COPZ1: variants seen among roughly 807,000 people sequenced by gnomAD.
The protein encoded by COPZ1 is coatomer subunit zeta-1.
Under a neutral mutation model 31.7 loss-of-function variants are expected in COPZ1, and 4 were observed. That is an observed-to-expected ratio of 0.13 (90% CI 0.06 to 0.29). COPZ1 has a LOEUF of 0.29. Among genes scored for constraint, COPZ1 ranks in the 10% least tolerant of loss-of-function variants. The pLI is 1.00. For missense variants in COPZ1, 156 were observed against 211.5 expected, an observed-to-expected ratio of 0.74 and a Z score of 1.63; for synonymous variants, 74 against 79.0, an observed-to-expected ratio of 0.94 and a Z score of 0.33.
At chr12:54,335,659 T>G (rs1370640208) in intron 1 of COPZ1, among the ~76,000 whole-genome samples, 1 of 151,852 alleles carries the variant, frequency 6.6e-6, no homozygotes, top group Non-Finnish European at 1.5e-5. Flanking sequence ...TGAAGAACTT[T>G]TTAGTGATCT....
chr12:54,350,285 T>A, intron 8 of COPZ1, 191 bp from the exon 9 acceptor site: 1 of 746,286 alleles, frequency 1.3e-6, no homozygotes, highest in East Asian at 2.5e-5. Flanking sequence ...TGGGTTTGAA[T>A]TTTTTTGGAA....
chr12:54,349,589 C>T (rs1478950911), intron 7 of COPZ1, 31 bp from the exon 8 acceptor site: 5 of 1,596,242 alleles, frequency 3.1e-6, no homozygotes, highest in South Asian at 1.1e-5. Context: ...AGCTTTCTCC[C>T]ACACTAAATG....
intron 3 of COPZ1, chr12:54,342,710 C>T: frequency 5.3e-6 from 1 of 190,292 alleles, no homozygotes; most frequent in South Asian, 1.0e-4. Context: ...ACAGAAGATA[C>T]ATTTAGACTC....
chr12:54,342,696 G>C (rs2137105512), intron 3 of COPZ1: 1 of 196,590 alleles, frequency 5.1e-6, no homozygotes, highest in Middle Eastern at 2.1e-3. Context: ...AGAGGATGGT[G>C]GTTACAGAAG....
intron 5 of COPZ1, among the ~76,000 whole-genome samples, chr12:54,346,948 C>T (rs549568466): frequency 1.2e-4 from 19 of 152,232 alleles, no homozygotes; most frequent in South Asian, 1.0e-3. Flanking sequence ...CTCTGTTACC[C>T]GTGTAGATGG....
At chr12:54,326,800 TA>T (rs1335353177) in intron 1 of COPZ1, among the ~76,000 whole-genome samples, 2 of 151,528 alleles carry the variant, frequency 1.3e-5, no homozygotes, top group African/African-American at 4.9e-5. Flanking sequence ...CTCCTAAGCA[TA>T]CACATTCAGA....
At chr12:54,347,955 G>C (rs774448659) in intron 6 of COPZ1, 45 bp from the exon 7 acceptor site, 1 of 1,609,674 alleles carries the variant, frequency 6.2e-7, no homozygotes, top group South Asian at 1.1e-5. Context: ...AGTGAGTTGG[G>C]CCTTCGGGAC....
At chr12:54,348,453 A>G (rs1326158890) in intron 7 of COPZ1, among the ~76,000 whole-genome samples, 1 of 152,170 alleles carries the variant, frequency 6.6e-6, no homozygotes, top group Non-Finnish European at 1.5e-5. Flanking sequence ...AAAGTGTTAC[A>G]TAGGACTGAG....
At chr12:54,345,628 G>C (rs1419843103) in intron 5 of COPZ1, 113 bp downstream of exon 5, 1 of 829,834 alleles carries the variant, frequency 1.2e-6, no homozygotes, top group African/African-American at 1.7e-5. Context: ...GATTGTAGGG[G>C]ATTGGCAAAG....
chr12:54,328,819 T>G (rs545074356), intron 1 of COPZ1, among the ~76,000 whole-genome samples: 5 of 152,306 alleles, frequency 3.3e-5, no homozygotes, highest in African/African-American at 1.2e-4. Context: ...TCAAAGCATA[T>G]TCTTCTGTCC....
At chr12:54,335,874 C>T (rs1953854572) in intron 1 of COPZ1, among the ~76,000 whole-genome samples, 1 of 151,806 alleles carries the variant, frequency 6.6e-6, no homozygotes, top group African/African-American at 2.4e-5. Context: ...GAGACAGGGT[C>T]TCACTGTGTT....
intron 4 of COPZ1, 145 bp downstream of exon 4, chr12:54,343,461 C>T (rs1954008792): frequency 1.5e-6 from 1 of 669,184 alleles, no homozygotes; most frequent in South Asian, 1.9e-5. Flanking sequence ...TCCCACCAGC[C>T]TCACAAACAT....
chr12:54,343,335 C>T lies in COPZ1; in HGVS notation c.261+19C>T. On this transcript the variant is annotated intron_variant, in intron 4 of 8. Transcript: ENST00000262061. ...AAATGAGGTGAGAATCCCCACCCCT[C>T]TTTGCTATTTCTGATCCTACTTTCT... 1 of 1,588,778 alleles carries T rather than the reference C, an allele frequency of 6.3e-7. No homozygotes were observed. Among genetic ancestry groups the T allele is most frequent in the Non-Finnish European group, 8.6e-7 (1 of 1,156,938 alleles).
intron 1 of COPZ1, among the ~76,000 whole-genome samples, chr12:54,325,966 G>C (rs982897078): frequency 6.7e-6 from 1 of 148,734 alleles, no homozygotes; most frequent in African/African-American, 2.5e-5. Context: ...CTATAGGCGC[G>C]TGCCACCACG....
At chr12:54,339,542 G>T (rs575688957) in intron 1 of COPZ1, among the ~76,000 whole-genome samples, 1 of 151,910 alleles carries the variant, frequency 6.6e-6, no homozygotes, top group African/African-American at 2.4e-5. Context: ...GAGATGGGGG[G>T]TCTCCCTGTG....
At chr12:54,335,680 C>CT (rs547103209) in intron 1 of COPZ1, among the ~76,000 whole-genome samples, 1,976 of 142,680 alleles carry the variant, frequency 0.014, 24 homozygotes, top group Non-Finnish European at 0.021. Context: ...CAGTCAGCTT[C>CT]TTTTTTTTTT....
chr12:54,339,977 G>A (rs915630207), intron 1 of COPZ1, among the ~76,000 whole-genome samples: 1 of 125,494 alleles, frequency 8.0e-6, no homozygotes, highest in Admixed American at 8.3e-5. Context: ...TGGTGTGCCT[G>A]TGCGTGTGTG....
Position 54,347,986 on chromosome 12 carries a change from C to T in COPZ1, c.396-14C>T, listed in dbSNP as rs374172675. 3.1e-6 allele frequency: 5 copies of T among 1,613,704 alleles called. No individual in the cohort carries two copies. The highest frequency in any genetic ancestry group is 4.2e-6 in the Non-Finnish European group (5 of 1,179,808). On this transcript the variant is annotated splice_polypyrimidine_tract_variant and intron_variant, in intron 6 of 8. Transcript: ENST00000262061. ...GGGACAGAGTGAACAATGATCTCTT[C>T]TTTGTTTTTGCAGGGTGATCCTAGA...
chr12:54,343,353 T>G, intron 4 of COPZ1, 37 bp downstream of exon 4: 8 of 1,556,788 alleles, frequency 5.1e-6, no homozygotes, highest in Non-Finnish European at 7.1e-6. Context: ...TTTCTGATCC[T>G]ACTTTCTAAA....
Sources: gnomAD v4.1 joint callset for allele counts (sites outside exome capture counted in the v4.1 genomes callset) on GRCh38, gnomAD v4.1.1 for gene constraint, MANE v1.5 for transcripts, NCBI Gene and HGNC (gene_info 2026-07-23, HGNC 2026-07-21) for gene names.